Variants in TMEM132C observed in about 807,000 individuals in gnomAD.
TMEM132C encodes the protein protein phosphatase 1, regulatory subunit 152.
TMEM132C carries 29 observed loss-of-function variants against 61.4 expected under a neutral mutation model. The ratio of observed to expected loss-of-function variants is 0.47; its 90% CI spans 0.35 to 0.64. TMEM132C has a LOEUF of 0.64. TMEM132C is among the 30% of genes least tolerant of loss of function. TMEM132C has a pLI of 0.00. For missense variants in TMEM132C, 1,408 were observed against 1,476.9 expected, an observed-to-expected ratio of 0.95 and a Z score of 0.76; for synonymous variants, 656 against 633.1, an observed-to-expected ratio of 1.04 and a Z score of -0.54.
At chr12:128,534,135 T>G (rs374613192) in intron 2 of TMEM132C, among the ~76,000 whole-genome samples, 1 of 152,226 alleles carries the variant, frequency 6.6e-6, no homozygotes. Context: ...AACATTGATT[T>G]TCCTTAAGGA....
chr12:128,703,023 C>A (rs1250906131), intron 8 of TMEM132C, among the ~76,000 whole-genome samples: 1 of 152,174 alleles, frequency 6.6e-6, no homozygotes, highest in Non-Finnish European at 1.5e-5. Flanking sequence ...TGGGCTCTGG[C>A]AGTGGTTGTT....
At chr12:128,529,524 T>C (rs112362913) in intron 2 of TMEM132C, among the ~76,000 whole-genome samples, 12,039 of 152,114 alleles carry the variant, frequency 0.079, 1,587 homozygotes, top group African/African-American at 0.27. Flanking sequence ...TGGCTTACGC[T>C]TGTAATCCCA....
At chr12:128,553,427 C>T (rs761876531) in intron 3 of TMEM132C, among the ~76,000 whole-genome samples, 3 of 152,252 alleles carry the variant, frequency 2.0e-5, no homozygotes, top group Non-Finnish European at 2.9e-5. Context: ...ACCATTATTG[C>T]GTCCTGCCTT....
Position 128,426,477 on chromosome 12 carries a change from T to C in TMEM132C, c.974+10857T>C, listed in dbSNP as rs558503748. Among the ~76,000 whole-genome samples, 28 of 152,330 alleles carry C rather than the reference T, an allele frequency of 1.8e-4. No homozygotes were observed. The South Asian group carries it at 5.4e-3, about 29-fold the overall frequency. On this transcript the variant is annotated intron_variant, in intron 2 of 8. Coordinates refer to ENST00000435159, the MANE Select transcript of TMEM132C (RefSeq NM_001136103.3). ...ACCCTAAAACACGACCAAGTTTGCATTGACTGCAGATTTGGAGCTAATTCA... is the reference window on the plus strand; with the variant it reads ...ACCCTAAAACACGACCAAGTTTGCACTGACTGCAGATTTGGAGCTAATTCA...
intron 2 of TMEM132C, among the ~76,000 whole-genome samples, chr12:128,540,064 G>A (rs1873680961): frequency 1.3e-5 from 2 of 151,570 alleles, no homozygotes; most frequent in Non-Finnish European, 2.9e-5. Flanking sequence ...TCTTTTCTCT[G>A]CTTCTTAGGA....
At chr12:128,548,912 C>T (rs975408369) in intron 3 of TMEM132C, among the ~76,000 whole-genome samples, 3 of 152,112 alleles carry the variant, frequency 2.0e-5, no homozygotes, top group Non-Finnish European at 4.4e-5. Context: ...CAGGAGGATG[C>T]GCATAGGTTG....
intron 5 of TMEM132C, among the ~76,000 whole-genome samples, chr12:128,684,621 T>C (rs1359103026): frequency 2.0e-5 from 3 of 152,254 alleles, no homozygotes; most frequent in African/African-American, 7.2e-5. Flanking sequence ...GGCAGCATTG[T>C]GCATTGTCAG....
intron 4 of TMEM132C, among the ~76,000 whole-genome samples, chr12:128,667,475 G>A (rs1289869621): frequency 1.3e-5 from 2 of 152,210 alleles, no homozygotes; most frequent in Admixed American, 6.5e-5. Flanking sequence ...ACGGACCCAG[G>A]AGAAGACACA....
At chr12:128,385,199 C>A (rs920172684) in intron 1 of TMEM132C, among the ~76,000 whole-genome samples, 14 of 152,178 alleles carry the variant, frequency 9.2e-5, no homozygotes, top group African/African-American at 3.4e-4. Flanking sequence ...AGGAGACCTG[C>A]TGCATAGGAT....
intron 2 of TMEM132C, among the ~76,000 whole-genome samples, chr12:128,519,623 A>C (rs1230274371): frequency 1.3e-5 from 2 of 152,222 alleles, no homozygotes; most frequent in Non-Finnish European, 2.9e-5. Context: ...CCAAAACTGA[A>C]ATCCATGTTT....
intron 1 of TMEM132C, among the ~76,000 whole-genome samples, chr12:128,300,701 G>C (rs1871567025): frequency 6.6e-6 from 1 of 152,168 alleles, no homozygotes. Context: ...AATCTTGGCT[G>C]ATACCAGGCT....
chr12:128,388,968 C>T (rs1220817083), intron 1 of TMEM132C, among the ~76,000 whole-genome samples: 3 of 152,162 alleles, frequency 2.0e-5, no homozygotes, highest in East Asian at 1.9e-4. Context: ...GTGCGGGCAA[C>T]AGAAGACCGT....
chr12:128,420,183 T>A (rs1868939981), intron 2 of TMEM132C, among the ~76,000 whole-genome samples: 1 of 151,648 alleles, frequency 6.6e-6, no homozygotes, highest in South Asian at 2.1e-4. Flanking sequence ...GTGACAAGAG[T>A]GACACTCTGT....
intron 3 of TMEM132C, among the ~76,000 whole-genome samples, chr12:128,556,800 A>T (rs1363573219): frequency 6.6e-6 from 1 of 152,150 alleles, no homozygotes; most frequent in Admixed American, 6.5e-5. Context: ...AGCCTTGTGA[A>T]TAGAGCATGG....
chr12:128,599,431 C>T (rs185673583), intron 3 of TMEM132C, among the ~76,000 whole-genome samples: 4 of 152,312 alleles, frequency 2.6e-5, no homozygotes, highest in East Asian at 1.9e-4. Flanking sequence ...CCTGGGGCAG[C>T]GATGATGGCC....
intron 1 of TMEM132C, among the ~76,000 whole-genome samples, chr12:128,369,132 G>A (rs567851499): frequency 6.6e-6 from 1 of 152,258 alleles, no homozygotes; most frequent in African/African-American, 2.4e-5. Context: ...AATGAGATGA[G>A]GATGGTGATA....
intron 2 of TMEM132C, among the ~76,000 whole-genome samples, chr12:128,498,759 C>T (rs954599383): frequency 6.6e-6 from 1 of 151,960 alleles, no homozygotes; most frequent in African/African-American, 2.4e-5. Flanking sequence ...AAAAAATTTT[C>T]ATTTATGATA....
intron 1 of TMEM132C, among the ~76,000 whole-genome samples, chr12:128,359,104 G>A (rs1873611996): frequency 6.6e-6 from 1 of 152,202 alleles, no homozygotes; most frequent in Admixed American, 6.5e-5. Context: ...GGTCACAAAA[G>A]CTCATGAAGT....
intron 2 of TMEM132C, among the ~76,000 whole-genome samples, chr12:128,464,002 C>G (rs1049374557): frequency 6.6e-6 from 1 of 152,176 alleles, no homozygotes; most frequent in Admixed American, 6.5e-5. Context: ...GCAGCTGGCC[C>G]TCCCCTAAAT....
Sources: allele counts gnomAD v4.1 joint callset (sites outside exome capture counted in the v4.1 genomes callset), GRCh38; gene constraint gnomAD v4.1.1; transcripts MANE v1.5; gene names NCBI Gene and HGNC (gene_info 2026-07-23, HGNC 2026-07-21).